Variants in AOPEP observed in about 807,000 individuals in gnomAD.
AOPEP encodes aminopeptidase O.
A neutral mutation model predicts 98.1 loss-of-function variants in AOPEP; 77 were observed. The observed-to-expected ratio is 0.78, with a 90% CI of 0.65 to 0.95. The LOEUF (loss-of-function observed/expected upper bound fraction) is 0.95, where lower values mean the gene tolerates loss of function less well. Among genes scored for constraint, AOPEP ranks in the 40% least tolerant of loss-of-function variants. The pLI, the probability that AOPEP is intolerant of heterozygous loss-of-function variation, is 0.00. For synonymous variants in AOPEP, 346 were observed against 365.3 expected (o/e 0.95, Z 0.60); for missense variants, 1,024 against 1,024.7 (o/e 1.00, Z 0.01).
At position 94,849,502 on chromosome 9, in the gene AOPEP, CTTTCTTTT is replaced by C. The variant is rs1323587836; in HGVS notation, c.1364+48504_1364+48511del. Reference sequence around the variant, plus strand: ...TAACATTTCTTTTTTTTCTTTCTTTCTTTCTTTTTTTTTTTTTGCAGTAATATCTTCAA... The same window carrying C: ...TAACATTTCTTTTTTTTCTTTCTTTCTTTTTTTTTGCAGTAATATCTTCAA... On this transcript the variant is annotated intron_variant, in intron 5 of 16. Coordinates refer to ENST00000375315, the MANE Select transcript of AOPEP (RefSeq NM_001193329.3). 1.4e-3 allele frequency among the ~76,000 whole-genome samples: 93 copies of C among 66,324 alleles called. No individual in the cohort carries two copies. In the East Asian group the frequency reaches 0.044, roughly 31 times the overall value. The allele number at this position is 66,324 out of a possible 152,430, so 43.5% of individuals were successfully genotyped here. A position where few individuals can be genotyped will look rare whatever the true frequency, so the allele number is the denominator to read the frequency against.
At chr9:95,074,531 C>T (rs191572221) in intron 14 of AOPEP, among the ~76,000 whole-genome samples, 3 of 152,214 alleles carry the variant, frequency 2.0e-5, no homozygotes, top group Admixed American at 6.5e-5. Context: ...CTCTGTGTTA[C>T]CCCGACCTGT....
At chr9:95,143,844 G>A in the AOPEP span, among the ~76,000 whole-genome samples, 14 of 152,278 alleles carry the variant, frequency 9.2e-5, no homozygotes, top group East Asian at 2.3e-3. Context: ...GGCAGCCCCA[G>A]GGACAGACAT....
At chr9:95,003,647 T>TTA (rs923081985) in intron 11 of AOPEP, among the ~76,000 whole-genome samples, 1 of 152,238 alleles carries the variant, frequency 6.6e-6, no homozygotes, top group Non-Finnish European at 1.5e-5. Flanking sequence ...CATTAACTAT[T>TTA]TATATATATT....
chr9:94,878,670 T>C (rs1278616638), intron 5 of AOPEP, among the ~76,000 whole-genome samples: 7 of 152,340 alleles, frequency 4.6e-5, no homozygotes. Context: ...GGCCAACTTA[T>C]GTTTTCCAGT....
At chr9:95,056,078 A>G (rs1362698703) in intron 13 of AOPEP, among the ~76,000 whole-genome samples, 1 of 152,214 alleles carries the variant, frequency 6.6e-6, no homozygotes, top group African/African-American at 2.4e-5. Flanking sequence ...AAGTGACATC[A>G]TATGTATTGC....
chr9:94,765,439 A>AAATAATAATAATAAT (rs370305424), intron 2 of AOPEP, among the ~76,000 whole-genome samples: 6,880 of 123,688 alleles, frequency 0.056, 283 homozygotes, highest in East Asian at 0.14. Context: ...TTCTCTACAA[A>AAATAATAATAATAAT]AATAATAATA....
chr9:94,769,209 T>G (rs1033201163), intron 2 of AOPEP, among the ~76,000 whole-genome samples: 2 of 152,204 alleles, frequency 1.3e-5, no homozygotes, highest in Non-Finnish European at 2.9e-5. Context: ...ATTCCACCAG[T>G]AGAGCTTTAT....
chr9:94,872,412 CG>C (rs1171829860), intron 5 of AOPEP, among the ~76,000 whole-genome samples: 5 of 152,106 alleles, frequency 3.3e-5, no homozygotes, highest in East Asian at 3.9e-4. Flanking sequence ...GGCCCAAACC[CG>C]GGGCTCATGA....
chr9:94,968,705 GT>G (rs1192673251), intron 10 of AOPEP, among the ~76,000 whole-genome samples: 8 of 152,166 alleles, frequency 5.3e-5, no homozygotes, highest in Non-Finnish European at 1.2e-4. Flanking sequence ...CCAAATTTTA[GT>G]TTTTTAACCT....
chr9:95,010,088 A>T (rs1426716031), intron 13 of AOPEP, among the ~76,000 whole-genome samples: 3 of 152,178 alleles, frequency 2.0e-5, no homozygotes, highest in African/African-American at 7.2e-5. Context: ...GATTTAAAAA[A>T]TTGTATATAA....
intron 1 of AOPEP, among the ~76,000 whole-genome samples, chr9:94,744,188 T>C (rs1833907558): frequency 6.6e-6 from 1 of 151,384 alleles, no homozygotes; most frequent in Admixed American, 6.6e-5. Flanking sequence ...GTCAGGAGAT[T>C]GAGACCATCC....
intron 11 of AOPEP, among the ~76,000 whole-genome samples, chr9:94,996,876 G>T (rs552750142): frequency 6.6e-6 from 1 of 152,266 alleles, no homozygotes; most frequent in Non-Finnish European, 1.5e-5. Flanking sequence ...CTTCCTGAAT[G>T]GAACAATACC....
At chr9:94,817,080 A>G (rs968289638) in intron 5 of AOPEP, among the ~76,000 whole-genome samples, 3 of 152,054 alleles carry the variant, frequency 2.0e-5, no homozygotes, top group Non-Finnish European at 2.9e-5. Flanking sequence ...GGCTCGCTGC[A>G]GCCTCATCCT....
At chr9:94,753,652 A>G (rs1055937534) in intron 1 of AOPEP, among the ~76,000 whole-genome samples, 8 of 152,224 alleles carry the variant, frequency 5.3e-5, no homozygotes, top group African/African-American at 1.9e-4. Flanking sequence ...AAAGAAATTC[A>G]TTTCAGTCAT....
chr9:94,739,865 C>A (rs1232131859), intron 1 of AOPEP, among the ~76,000 whole-genome samples: 1 of 152,122 alleles, frequency 6.6e-6, no homozygotes, highest in Non-Finnish European at 1.5e-5. Flanking sequence ...CAGGAAAGAA[C>A]CACGAGAGCC....
chr9:94,934,406 T>C (rs1011860592), intron 7 of AOPEP, among the ~76,000 whole-genome samples: 2 of 148,672 alleles, frequency 1.3e-5, no homozygotes, highest in African/African-American at 5.0e-5. Context: ...AACCTCTGAC[T>C]CTGGAGCTCA....
At chr9:95,126,159 C>A in the AOPEP span, among the ~76,000 whole-genome samples, 22 of 152,126 alleles carry the variant, frequency 1.4e-4, no homozygotes, top group Admixed American at 5.9e-4. Context: ...GCTTTAAAGT[C>A]TTTTAAAAAT....
At chr9:94,979,225 A>C (rs2060029027) in intron 10 of AOPEP, 142 bp from the exon 11 acceptor site, 1 of 534,450 alleles carries the variant, frequency 1.9e-6, no homozygotes, top group Non-Finnish European at 3.4e-6. Flanking sequence ...ACTTCAACCC[A>C]GGGGAGCGCT....
At chr9:94,956,713 G>T (rs1420956308) in intron 9 of AOPEP, among the ~76,000 whole-genome samples, 1 of 152,218 alleles carries the variant, frequency 6.6e-6, no homozygotes, top group Non-Finnish European at 1.5e-5. Context: ...AACAAGGAGT[G>T]GCAGGCTCTG....
Sources: gnomAD v4.1 joint callset for allele counts (sites outside exome capture counted in the v4.1 genomes callset) on GRCh38, gnomAD v4.1.1 for gene constraint, MANE v1.5 for transcripts, NCBI Gene and HGNC (gene_info 2026-07-23, HGNC 2026-07-21) for gene names.